Variants in PIP5K1C observed in about 807,000 individuals in gnomAD.
PIP5K1C encodes phosphatidylinositol 4-phosphate 5-kinase type-1 gamma.
PIP5K1C carries 45 observed loss-of-function variants against 80.1 expected under a neutral mutation model. The observed-to-expected ratio is 0.56, with a 90% confidence interval of 0.44 to 0.72. PIP5K1C has a LOEUF of 0.72. PIP5K1C is among the 30% of genes least tolerant of loss of function. The pLI, the probability that PIP5K1C is intolerant of heterozygous loss-of-function variation, is 0.00. For missense variants in PIP5K1C, 753 were observed against 954.6 expected, an observed-to-expected ratio of 0.79 and a Z score of 2.78; for synonymous variants, 498 against 420.1, an observed-to-expected ratio of 1.19 and a Z score of -2.27.
chr19:3,698,275 C>G (rs1366024159), intron 1 of PIP5K1C, among the ~76,000 whole-genome samples: 1 of 152,250 alleles, frequency 6.6e-6, no homozygotes, highest in Non-Finnish European at 1.5e-5. Flanking sequence ...GGCTCAGCCC[C>G]TAGCACACAC....
At chr19:3,699,697 T>C (rs550134420) in intron 1 of PIP5K1C, among the ~76,000 whole-genome samples, 1 of 152,062 alleles carries the variant, frequency 6.6e-6, no homozygotes, top group African/African-American at 2.4e-5. Flanking sequence ...AAAGGGGGCA[T>C]GAGACAGCCG....
intron 13 of PIP5K1C, 113 bp downstream of exon 13, chr19:3,643,130 C>T: frequency 3.9e-6 from 6 of 1,546,396 alleles, no homozygotes; most frequent in South Asian, 2.2e-5. Context: ...ATCCACCGTA[C>T]ATACGATGCT....
At chr19:3,686,353 G>A (rs2035758516) in intron 1 of PIP5K1C, among the ~76,000 whole-genome samples, 1 of 151,774 alleles carries the variant, frequency 6.6e-6, no homozygotes, top group African/African-American at 2.4e-5. Context: ...CAGGGAGGCA[G>A]AGCTTGCAGT....
intron 1 of PIP5K1C, among the ~76,000 whole-genome samples, chr19:3,679,596 G>A (rs1339782942): frequency 6.6e-6 from 1 of 152,226 alleles, no homozygotes; most frequent in African/African-American, 2.4e-5. Flanking sequence ...CCGGTGAATG[G>A]AGCTGGGGCA....
At chr19:3,681,752 G>A (rs1181549698) in intron 1 of PIP5K1C, among the ~76,000 whole-genome samples, 1 of 151,758 alleles carries the variant, frequency 6.6e-6, no homozygotes, top group Non-Finnish European at 1.5e-5. Context: ...AAGGGCAAAC[G>A]GCAGCCCCAG....
intron 1 of PIP5K1C, among the ~76,000 whole-genome samples, chr19:3,698,508 A>T (rs542315773): frequency 1.6e-4 from 25 of 152,314 alleles, no homozygotes; most frequent in Non-Finnish European, 3.1e-4. Context: ...AGAGTCATAA[A>T]CGTGTGGCAT....
chr19:3,686,600 C>T (rs1167211488), intron 1 of PIP5K1C, among the ~76,000 whole-genome samples: 1 of 151,806 alleles, frequency 6.6e-6, no homozygotes, highest in South Asian at 2.1e-4. Context: ...CGCCTGTAAT[C>T]CCAGCTACTC....
intron 1 of PIP5K1C, among the ~76,000 whole-genome samples, chr19:3,681,480 C>T (rs2035587157): frequency 6.6e-6 from 1 of 152,126 alleles, no homozygotes; most frequent in African/African-American, 2.4e-5. Flanking sequence ...GATCCACCCA[C>T]CTCGGCCTCC....
In PIP5K1C at chr19:3,645,633, C is replaced by T. The variant is rs577798819; in HGVS notation, c.1345+341G>A. ...ACTGTGAGCTATCTGCTGAGTCAGG[C>T]CCACCCATCCCATATATAAACACTG... On this transcript the variant is annotated intron_variant, in intron 11 of 17. Transcript: ENST00000335312. 1.4e-4 allele frequency among the ~76,000 whole-genome samples: 21 copies of T among 152,330 alleles called. No homozygotes were observed. The East Asian group carries it at 3.5e-3, about 25-fold the overall frequency.
At chr19:3,678,624 A>T (rs1413128884) in intron 1 of PIP5K1C, among the ~76,000 whole-genome samples, 1 of 113,064 alleles carries the variant, frequency 8.8e-6, no homozygotes, top group Non-Finnish European at 1.8e-5. Context: ...GGAGGGATGG[A>T]GAGATGGAAG....
intron 1 of PIP5K1C, among the ~76,000 whole-genome samples, chr19:3,685,475 A>G (rs2035730465): frequency 6.6e-6 from 1 of 152,172 alleles, no homozygotes; most frequent in Admixed American, 6.6e-5. Flanking sequence ...TCATGCCTGT[A>G]ATCCCAGCAC....
rs1376809000 is a variant in PIP5K1C at position 3,661,068 on chromosome 19, G to A, written c.366C>T (p.Leu122=). ...SIFFPSEGSN[L]TPAHHFQDFR... ...AGTCCTGGAAGTGGTGGGCGGGGGTGAGGTTGCTGCCTTCGCTGTGGAGGA... is the reference window on the plus strand; with the variant it reads ...AGTCCTGGAAGTGGTGGGCGGGGGTAAGGTTGCTGCCTTCGCTGTGGAGGA... Residue 122 remains leucine (L), a synonymous_variant, in exon 5 of 18, where the codon CTC becomes CTT. Transcript: ENST00000335312. 2 of 1,613,728 alleles carry A rather than the reference G, an allele frequency of 1.2e-6. No individual in the cohort carries two copies. Among genetic ancestry groups the A allele is most frequent in the African/African-American group, 1.3e-5 (1 of 74,932 alleles).
chr19:3,672,267 T>C (rs1190290495), intron 1 of PIP5K1C, among the ~76,000 whole-genome samples: 1 of 152,226 alleles, frequency 6.6e-6, no homozygotes, highest in Non-Finnish European at 1.5e-5. Context: ...AGCTGTTCCC[T>C]GGCCTGCGCC....
At chr19:3,652,257 C>T (rs553841051) in intron 7 of PIP5K1C, among the ~76,000 whole-genome samples, 1 of 152,354 alleles carries the variant, frequency 6.6e-6, no homozygotes, top group African/African-American at 2.4e-5. Context: ...GGGCTTCCAG[C>T]CTCACAGCAG....
At chr19:3,679,524 T>G (rs1254782625) in intron 1 of PIP5K1C, among the ~76,000 whole-genome samples, 1 of 152,206 alleles carries the variant, frequency 6.6e-6, no homozygotes, top group African/African-American at 2.4e-5. Context: ...AGCACAGACC[T>G]GGCGTCTCGT....
rs994243320 is a variant in PIP5K1C, at chr19:3,639,130, G to T, written c.1788-114C>A. 3.8e-6 allele frequency: 5 copies of T among 1,307,402 alleles called. No individual in the cohort carries two copies. The African/African-American group carries it at 4.3e-5, about 11-fold the overall frequency. The allele number at this position is 1,307,402 out of a possible 1,614,324, so 81.0% of individuals were successfully genotyped here. The stretch of plus-strand genomic sequence containing the variant: ...CATACGGTCATCACGGAGATGAAAA[G>T]CCAGGCAGCTGACCACAGGCCGCGC... On this transcript the variant is annotated intron_variant, in intron 15 of 17. Coordinates refer to ENST00000335312, the MANE Select transcript of PIP5K1C (RefSeq NM_012398.3).
Position 3,639,006 on chromosome 19 carries a change from A to G in PIP5K1C, c.1798T>C (p.Ser600Pro). Residue 600 changes from serine to proline, a missense_variant, in exon 16 of 18, where the codon TCC becomes CCC. By Grantham distance (74) the Ser-to-Pro change is moderately conservative. Transcript: ENST00000335312. Reference sequence around the variant, plus strand: ...ACAGCAGCAGAGGCACCGGCCGGGGAAGCCTCCACCCTGGGGACAGGAGTA... The same window carrying G: ...ACAGCAGCAGAGGCACCGGCCGGGGGAGCCTCCACCCTGGGGACAGGAGTA... ...PKEEDAGVEA[S>P]PAGASAAVEV... 1.2e-6 allele frequency: 2 copies of G among 1,611,034 alleles called. No individual in the cohort carries two copies.
intron 1 of PIP5K1C, chr19:3,668,388 G>A (rs79185030): frequency 0.01 from 1,534 of 152,352 alleles, 14 homozygotes; most frequent in South Asian, 0.027. Context: ...GGGTCCTCAC[G>A]AGCGGGGGCG....
intron 2 of PIP5K1C, among the ~76,000 whole-genome samples, chr19:3,666,291 AG>A (rs568377335): frequency 7.5e-4 from 114 of 152,344 alleles, no homozygotes; most frequent in African/African-American, 2.7e-3. Flanking sequence ...GAGATGCAGC[AG>A]CTCGGGTGCC....
Sources: gnomAD v4.1 joint callset for allele counts (sites outside exome capture counted in the v4.1 genomes callset) on GRCh38, gnomAD v4.1.1 for gene constraint, MANE v1.5 for transcripts, NCBI Gene and HGNC (gene_info 2026-07-23, HGNC 2026-07-21) for gene names.